NBR1: variants seen among roughly 807,000 people sequenced by gnomAD.
NBR1 encodes next to BRCA1 gene 1 protein.
A neutral mutation model predicts 115.5 loss-of-function variants in NBR1; 59 were observed. That is an observed-to-expected ratio of 0.51 (90% CI 0.41 to 0.63). The LOEUF is 0.63. NBR1 is among the 30% of genes least tolerant of loss of function. The pLI is 0.00. For missense variants in NBR1, 1,043 were observed against 1,150.5 expected, an observed-to-expected ratio of 0.91 and a Z score of 1.35; for synonymous variants, 373 against 414.7, an observed-to-expected ratio of 0.90 and a Z score of 1.22.
chr17:43,204,337 A>G (rs1352152532), intron 20 of NBR1, among the ~76,000 whole-genome samples: 1 of 152,150 alleles, frequency 6.6e-6, no homozygotes, highest in Non-Finnish European at 1.5e-5. Flanking sequence ...TTCTATAGAG[A>G]GAAGCTATTC....
At chr17:43,188,538 C>A (rs1334301992) in intron 6 of NBR1, among the ~76,000 whole-genome samples, 1 of 152,128 alleles carries the variant, frequency 6.6e-6, no homozygotes. Flanking sequence ...TTTGCCCCTG[C>A]CTATGTCCTA....
At chr17:43,173,267 GC>G (rs1198881444) in intron 1 of NBR1, among the ~76,000 whole-genome samples, 4 of 152,168 alleles carry the variant, frequency 2.6e-5, no homozygotes, top group Middle Eastern at 3.4e-3. Flanking sequence ...ACCAGCATCA[GC>G]CACCACACCC....
intron 6 of NBR1, 147 bp from the exon 7 acceptor site, chr17:43,188,895 C>T (rs1171678481): frequency 1.7e-6 from 1 of 578,092 alleles, no homozygotes; most frequent in Non-Finnish European, 3.1e-6. Context: ...ACTTTGTTTT[C>T]CTTTAGTACG....
At chr17:43,182,670 T>C (rs1431347401) in intron 5 of NBR1, among the ~76,000 whole-genome samples, 1 of 151,896 alleles carries the variant, frequency 6.6e-6, no homozygotes, top group East Asian at 1.9e-4. Flanking sequence ...GTATAAAATG[T>C]GATGTTTTGA....
At chr17:43,181,086 T>C (rs1247094030) in intron 5 of NBR1, among the ~76,000 whole-genome samples, 5 of 152,210 alleles carry the variant, frequency 3.3e-5, no homozygotes, top group Non-Finnish European at 5.9e-5. Context: ...TTTCCCAGGC[T>C]GGTCTGGAAC....
intron 1 of NBR1, among the ~76,000 whole-genome samples, chr17:43,172,669 T>G (rs566780943): frequency 6.6e-6 from 1 of 152,254 alleles, no homozygotes; most frequent in African/African-American, 2.4e-5. Flanking sequence ...AACTTGGTTC[T>G]TGGTAGAAAC....
At chr17:43,180,441 A>G (rs2056633702) in intron 4 of NBR1, among the ~76,000 whole-genome samples, 1 of 152,206 alleles carries the variant, frequency 6.6e-6, no homozygotes, top group African/African-American at 2.4e-5. Context: ...TTATGGGATC[A>G]CCATCATACA....
At chr17:43,182,022 C>CTT (rs566266858) in intron 5 of NBR1, among the ~76,000 whole-genome samples, 3 of 147,962 alleles carry the variant, frequency 2.0e-5, no homozygotes, top group African/African-American at 7.5e-5. Flanking sequence ...TGATGCCCCC[C>CTT]TTTTTTTTTT....
chr17:43,182,622 T>G (rs1374787741), intron 5 of NBR1, among the ~76,000 whole-genome samples: 2 of 151,810 alleles, frequency 1.3e-5, no homozygotes, highest in African/African-American at 4.9e-5. Context: ...TTTTAGTTTC[T>G]AATTTTTAAA....
rs763132722 is a variant in NBR1, at chr17:43,189,075, C to G, written c.436C>G (p.Pro146Ala). 1 of 1,613,424 alleles carries G rather than the reference C, an allele frequency of 6.2e-7. No homozygotes were observed. Among genetic ancestry groups the G allele is most frequent in the African/African-American group, 1.3e-5 (1 of 74,918 alleles). The change falls in exon 7 of 21, where the codon CCT becomes GCT. Residue 146 changes from proline (P) to alanine (A), a missense_variant. Coordinates refer to ENST00000590996, the MANE Select transcript of NBR1 (RefSeq NM_005899.5). ...FPLVPCDTDQ[P>A]QDKPPDWFTS... is the part of the protein sequence containing the mutation. ...ACTTGTTCCATGTGACACAGACCAGCCTCAAGACAAGCCCCCAGACTGGTT... is the reference window on the plus strand; with the variant it reads ...ACTTGTTCCATGTGACACAGACCAGGCTCAAGACAAGCCCCCAGACTGGTT...
In NBR1 at chr17:43,200,230, A is replaced by T; in HGVS notation, c.2090A>T (p.Glu697Val). The T allele has an allele frequency of 6.4e-7, 1 of 1,551,888 alleles. No individual in the cohort carries two copies. Among genetic ancestry groups the T allele is most frequent in the Admixed American group, 2.0e-5 (1 of 51,000 alleles). ...AAGGAGGAGATTATCCATATCGCTG[A>T]GGAAGAAGCTGTCATGGAGGAGGAG... ...NEKEEIIHIA[E>V]EEAVMEEEED... Residue 697 changes from glutamate (E) to valine (V), a missense_variant, in exon 17 of 21, where the codon GAG becomes GTG. By Grantham distance (121) the Glu-to-Val change is moderately radical (BLOSUM62 -2). Transcript: ENST00000590996.
Position 43,194,423 on chromosome 17 carries a change from G to A in NBR1, c.1598G>A (p.Cys533Tyr), listed in dbSNP as rs557736100. The A allele has an allele frequency of 6.2e-7, 1 of 1,613,924 alleles. No homozygotes were observed. The highest frequency in any genetic ancestry group is 2.2e-5 in the East Asian group (1 of 44,886). Residue 533 changes from cysteine to tyrosine, a missense_variant, in exon 13 of 21, where the codon TGC becomes TAC. Coordinates refer to ENST00000590996, the MANE Select transcript of NBR1 (RefSeq NM_005899.5). ...VTEQTEGTAA[C>Y]IPQKAKNVAS... Reference sequence around the variant, plus strand: ...GAGCAGACAGAAGGGACAGCAGCCTGCATCCCACAGAAGGCAAAAAATGTT... The same window carrying A: ...GAGCAGACAGAAGGGACAGCAGCCTACATCCCACAGAAGGCAAAAAATGTT...
In NBR1 at chr17:43,211,622, T is replaced by C. The variant is rs1242761545; in HGVS notation, c.*1548T>C. On this transcript the variant is annotated 3_prime_UTR_variant, in exon 21 of 21. Transcript: ENST00000590996. ...GCCAGGAGGGCCCGGGTTGCTCTCC[T>C]GGTTATGTATGTACTTGTACATAAC... The C allele has an allele frequency of 6.6e-6, 1 of 152,298 alleles. No homozygotes were observed. Among genetic ancestry groups the C allele is most frequent in the Admixed American group, 6.5e-5 (1 of 15,284 alleles). The allele number at this position is 152,298 out of a possible 1,614,324, so 9.4% of individuals were successfully genotyped here.
At chr17:43,186,525 A>T (rs570841201) in intron 6 of NBR1, 81 bp downstream of exon 6, 3 of 1,186,746 alleles carry the variant, frequency 2.5e-6, no homozygotes, top group South Asian at 4.3e-5. Flanking sequence ...TCTTTATTTT[A>T]TTTTTTTATT....
At chr17:43,196,664 C>A in intron 15 of NBR1, 73 bp downstream of exon 15, 1 of 1,133,646 alleles carries the variant, frequency 8.8e-7, no homozygotes, top group Non-Finnish European at 1.3e-6. Context: ...CAGCTATCCC[C>A]TACTGACCCT....
Position 43,210,219 on chromosome 17 carries a change from T to C in NBR1, c.*145T>C, listed in dbSNP as rs1393479622. The C allele has an allele frequency of 1.5e-6, 1 of 653,470 alleles. No individual in the cohort carries two copies. The allele number at this position is 653,470 out of a possible 1,614,324, so 40.5% of individuals were successfully genotyped here. A position where few individuals can be genotyped will look rare whatever the true frequency, so the allele number is the denominator to read the frequency against. On this transcript the variant is annotated 3_prime_UTR_variant, in exon 21 of 21. Transcript: ENST00000590996. The stretch of plus-strand genomic sequence containing the variant: ...GTTGAGTTACCAAGACAATACCTGC[T>C]ACAGTATTTTGGGGAGCAAACTAAA...
rs780428185 is a variant in NBR1 at position 43,177,923 on chromosome 17, ATC to A, written c.103-9_103-8del. The A allele has an allele frequency of 6.7e-7, 1 of 1,500,268 alleles. No homozygotes were observed. The highest frequency in any genetic ancestry group is 2.0e-5 in the Admixed American group (1 of 49,306). 92.9% of individuals were successfully genotyped at this position (1,500,268 alleles called of 1,614,324 possible). A position where few individuals can be genotyped will look rare whatever the true frequency, so the allele number is the denominator to read the frequency against. On this transcript the variant is annotated splice_polypyrimidine_tract_variant and intron_variant, in intron 2 of 20. Coordinates refer to ENST00000590996, the MANE Select transcript of NBR1 (RefSeq NM_005899.5). Reference sequence around the variant, plus strand: ...CATTATAACCTGCCTTTAAATATGTATCTCTTTTATAGGTAAAAGTTTCATTT... The same window carrying A: ...CATTATAACCTGCCTTTAAATATGTATCTTTTATAGGTAAAAGTTTCATTT...
chr17:43,191,226 C>G, intron 9 of NBR1, 146 bp from the exon 10 acceptor site: 1 of 648,112 alleles, frequency 1.5e-6, no homozygotes, highest in Non-Finnish European at 2.7e-6. Flanking sequence ...TGTACTCCAG[C>G]CTACATGACA....
chr17:43,195,123 C>A, intron 14 of NBR1, 84 bp downstream of exon 14: 2 of 1,067,340 alleles, frequency 1.9e-6, no homozygotes, highest in Middle Eastern at 2.0e-4. Flanking sequence ...GTGTTTTATT[C>A]TGAGGAAATG....
Sources: allele counts gnomAD v4.1 joint callset (sites outside exome capture counted in the v4.1 genomes callset), GRCh38; gene constraint gnomAD v4.1.1; transcripts MANE v1.5; gene names NCBI Gene and HGNC (gene_info 2026-07-23, HGNC 2026-07-21).